The following NRG1 variants were observed in gnomAD, a reference collection of about 807,000 sequenced individuals.
The protein encoded by NRG1 is pro-neuregulin-1, membrane-bound isoform.
In NRG1, 18 loss-of-function variants were observed where a neutral mutation model predicts 63.8. The ratio of observed to expected loss-of-function variants is 0.28; its 90% confidence interval spans 0.19 to 0.42. The LOEUF is 0.42. Among genes scored for constraint, NRG1 ranks in the 10% least tolerant of loss-of-function variants. The probability of loss-of-function intolerance (pLI) is 1.00; values close to 1 mark genes in which losing one functional copy is unlikely to be tolerated. For missense variants in NRG1, 762 were observed against 814.7 expected (o/e 0.94, Z 0.79); for synonymous variants, 302 against 301.3 (o/e 1.00, Z -0.02).
chr8:31,980,812 T>C (rs963732804), intron 1 of NRG1, among the ~76,000 whole-genome samples: 1 of 152,044 alleles, frequency 6.6e-6, no homozygotes, highest in African/African-American at 2.4e-5. Context: ...GCTCTTTTGC[T>C]TACTTAAAAG....
Position 32,647,052 on chromosome 8 carries a change from C to T in NRG1, c.502+30167C>T, listed in dbSNP as rs369713377. 8.1e-6 allele frequency: 8 copies of T among 985,040 alleles called. No individual in the cohort carries two copies. In the African/African-American group the frequency reaches 1.4e-4, roughly 17 times the overall value. The allele number at this position is 985,040 out of a possible 1,614,324, so 61.0% of individuals were successfully genotyped here. A position where few individuals can be genotyped will look rare whatever the true frequency, so the allele number is the denominator to read the frequency against. On this transcript the variant is annotated intron_variant, in intron 5 of 11. Transcript: ENST00000356819. ...GGAGTAGTCGGGGGTGGGGTGGAGG[C>T]AGGGCGGGGAAGGGAGTGACCGCCC...
chr8:32,044,718 C>CAGT (rs1343850787), intron 1 of NRG1, among the ~76,000 whole-genome samples: 6 of 139,232 alleles, frequency 4.3e-5, no homozygotes, highest in Non-Finnish European at 7.7e-5. Context: ...ACTCTACAGT[C>CAGT]AAAGAAGAAG....
chr8:32,042,867 C>A (rs562871181), intron 1 of NRG1, among the ~76,000 whole-genome samples: 3 of 149,602 alleles, frequency 2.0e-5, no homozygotes, highest in Admixed American at 2.0e-4. Context: ...AACATGATTT[C>A]AAAAAAAATG....
chr8:31,756,668 C>T (rs1002458337), intron 1 of NRG1, among the ~76,000 whole-genome samples: 30 of 152,118 alleles, frequency 2.0e-4, no homozygotes, highest in African/African-American at 6.0e-4. Context: ...TGTTTTATTT[C>T]CCTTTTACTA....
chr8:32,303,183 CCAAAAAAAAAAAAA>C (rs1855797660), intron 1 of NRG1, among the ~76,000 whole-genome samples: 1 of 59,708 alleles, frequency 1.7e-5, no homozygotes, highest in South Asian at 9.5e-4. Context: ...AACTCAGTCT[CCAAAAAAAAAAAAA>C]AAAAAAAAAA....
intron 5 of NRG1, among the ~76,000 whole-genome samples, chr8:32,662,509 G>T (rs1483975693): frequency 1.3e-5 from 2 of 152,134 alleles, no homozygotes; most frequent in Non-Finnish European, 2.9e-5. Context: ...GGGACTTGAT[G>T]CCTTAGGTTT....
At chr8:32,503,219 G>A (rs1374645331) in intron 1 of NRG1, among the ~76,000 whole-genome samples, 7 of 148,528 alleles carry the variant, frequency 4.7e-5, no homozygotes, top group African/African-American at 9.9e-5. Context: ...CCAGGGAGGC[G>A]GAGCTTGCAG....
intron 1 of NRG1, among the ~76,000 whole-genome samples, chr8:32,434,418 A>G (rs770821650): frequency 2.6e-5 from 4 of 152,160 alleles, no homozygotes; most frequent in African/African-American, 9.7e-5. Context: ...AATTTAAAAC[A>G]TTAGGATTCA....
At chr8:32,118,784 C>T (rs1456943739) in intron 1 of NRG1, among the ~76,000 whole-genome samples, 1 of 152,072 alleles carries the variant, frequency 6.6e-6, no homozygotes, top group Non-Finnish European at 1.5e-5. Context: ...TCATCCAAGG[C>T]ATCAGATACC....
chr8:32,683,657 G>A (rs1809307108), intron 5 of NRG1, among the ~76,000 whole-genome samples: 1 of 152,098 alleles, frequency 6.6e-6, no homozygotes, highest in South Asian at 2.1e-4. Context: ...CTACATAGGG[G>A]AAGTCTTCCA....
chr8:31,723,317 G>A (rs922000780), intron 1 of NRG1, among the ~76,000 whole-genome samples: 1 of 152,144 alleles, frequency 6.6e-6, no homozygotes. Flanking sequence ...AATGGCTCAG[G>A]TATTATCAGT....
chr8:31,793,296 G>C (rs1820887507), intron 1 of NRG1, among the ~76,000 whole-genome samples: 1 of 152,172 alleles, frequency 6.6e-6, no homozygotes, highest in African/African-American at 2.4e-5. Flanking sequence ...CACAGTTTTA[G>C]TGTTTAAACA....
chr8:31,944,539 C>A lies in NRG1; in HGVS notation c.37+305108C>A, dbSNP rs549442048. 1.4e-4 allele frequency among the ~76,000 whole-genome samples: 21 copies of A among 152,276 alleles called. 1 individual carries two copies. The highest frequency in any genetic ancestry group is 3.9e-4 in the African/African-American group (16 of 41,546). The stretch of plus-strand genomic sequence containing the variant: ...AACTCTGTCTCATAACTTCTTTCTC[C>A]ATTTCAGGGCTCTTGCTTGTTCTAA... On this transcript the variant is annotated intron_variant, in intron 1 of 10. Coordinates refer to the NRG1 transcript ENST00000519301.
intron 1 of NRG1, among the ~76,000 whole-genome samples, chr8:31,880,262 G>A (rs1353555905): frequency 1.3e-5 from 2 of 152,154 alleles, no homozygotes; most frequent in Admixed American, 6.5e-5. Context: ...TTTATAGGGA[G>A]GGGGCAGAGA....
intron 1 of NRG1, among the ~76,000 whole-genome samples, chr8:31,705,209 T>A (rs571835227): frequency 6.6e-6 from 1 of 152,110 alleles, no homozygotes; most frequent in East Asian, 2.0e-4. Context: ...GCTAGTTTTT[T>A]ATTTTTATTT....
intron 1 of NRG1, among the ~76,000 whole-genome samples, chr8:31,877,829 C>T (rs556239376): frequency 6.6e-6 from 1 of 152,276 alleles, no homozygotes; most frequent in South Asian, 2.1e-4. Context: ...CAATCTTTCT[C>T]AAAAGGAATC....
rs114281781 is a variant in NRG1 at position 32,429,062 on chromosome 8, T to G, written c.38-166766T>G. On this transcript the variant is annotated intron_variant, in intron 1 of 10. Coordinates refer to the NRG1 transcript ENST00000519301. ...ACTGCAAAAATACCAAGGTATAGCC[T>G]TATGCAAGCCAACATAGTCACGTTG... Among the ~76,000 whole-genome samples the G allele has an allele frequency of 8.4e-3, 1,283 of 152,306 alleles. 19 individuals carry two copies. The highest frequency in any genetic ancestry group is 0.028 in the African/African-American group (1,177 of 41,568).
At chr8:31,861,651 A>G (rs1179331703) in intron 1 of NRG1, among the ~76,000 whole-genome samples, 1 of 152,202 alleles carries the variant, frequency 6.6e-6, no homozygotes, top group African/African-American at 2.4e-5. Flanking sequence ...AGGCACAGGC[A>G]AAGCCTAGCT....
At chr8:32,104,687 T>C (rs1466254529) in intron 1 of NRG1, among the ~76,000 whole-genome samples, 1 of 152,132 alleles carries the variant, frequency 6.6e-6, no homozygotes, top group Non-Finnish European at 1.5e-5. Flanking sequence ...TTTTTTAATA[T>C]AATTTTTAAA....
Sources: allele counts gnomAD v4.1 joint callset (sites outside exome capture counted in the v4.1 genomes callset), GRCh38; gene constraint gnomAD v4.1.1; transcripts MANE v1.5; gene names NCBI Gene and HGNC (gene_info 2026-07-23, HGNC 2026-07-21).